PMPCB: variants seen among roughly 807,000 people sequenced by gnomAD.
PMPCB encodes the protein mitochondrial-processing peptidase subunit beta.
A neutral mutation model predicts 61.5 loss-of-function variants in PMPCB; 46 were observed. The observed-to-expected ratio is 0.75, with a 90% confidence interval of 0.59 to 0.96. PMPCB has a LOEUF of 0.96. Among genes scored for constraint, PMPCB ranks in the 40% least tolerant of loss-of-function variants. PMPCB has a pLI of 0.00. For synonymous variants in PMPCB, 191 were observed against 201.6 expected, an observed-to-expected ratio of 0.95 and a Z score of 0.44; for missense variants, 590 against 602.4, an observed-to-expected ratio of 0.98 and a Z score of 0.22.
chr7:103,333,200 A>G (rs1819042028), downstream of PMPCB, among the ~76,000 whole-genome samples: 1 of 152,152 alleles, frequency 6.6e-6, no homozygotes, highest in South Asian at 2.1e-4. Context: ...CCAGTTTGGG[A>G]TACTGTCTTA....
intron 7 of PMPCB, among the ~76,000 whole-genome samples, chr7:103,308,682 G>A (rs778308139): frequency 1.3e-4 from 20 of 150,576 alleles, no homozygotes; most frequent in Admixed American, 4.0e-4. Context: ...TTCTACCAGT[G>A]AAATGATGCA....
chr7:103,310,197 G>A, intron 8 of PMPCB, 118 bp from the exon 9 acceptor site: 1 of 732,898 alleles, frequency 1.4e-6, no homozygotes, highest in Non-Finnish European at 2.3e-6. Flanking sequence ...CTGAGATGTT[G>A]AATAAAACTA....
chr7:103,331,953 CTAAT>C (rs1367100082), downstream of PMPCB, among the ~76,000 whole-genome samples: 1 of 151,748 alleles, frequency 6.6e-6, no homozygotes, highest in Non-Finnish European at 1.5e-5. Flanking sequence ...AGTGGCTATG[CTAAT>C]TTAGATTCCT....
downstream of PMPCB, among the ~76,000 whole-genome samples, chr7:103,334,504 A>T (rs1016074561): frequency 2.6e-5 from 4 of 151,750 alleles, no homozygotes; most frequent in Non-Finnish European, 5.9e-5. Flanking sequence ...TGAACCCTGG[A>T]GATGGAGGTT....
chr7:103,332,198 G>C (rs1276605411), downstream of PMPCB, among the ~76,000 whole-genome samples: 1 of 151,960 alleles, frequency 6.6e-6, no homozygotes, highest in African/African-American at 2.4e-5. Context: ...GTAGAGACGG[G>C]GTTTCACCGT....
the PMPCB span, chr7:103,344,473 G>A: frequency 4.7e-6 from 7 of 1,494,332 alleles, no homozygotes; most frequent in African/African-American, 1.4e-5. Flanking sequence ...AGGGTCAAGG[G>A]TAGAGAGAGC....
downstream of PMPCB, among the ~76,000 whole-genome samples, chr7:103,333,951 A>T (rs73175843): frequency 0.071 from 9,894 of 139,428 alleles, 384 homozygotes; most frequent in South Asian, 0.14. Context: ...TGTTGTGAAC[A>T]TTTTTTTTTT....
chr7:103,313,941 C>T lies in PMPCB; in HGVS notation c.*1670C>T. On this transcript the variant is annotated 3_prime_UTR_variant, in exon 13 of 13. Coordinates refer to ENST00000249269, the MANE Select transcript of PMPCB (RefSeq NM_004279.3). ...AACACAGACTAATACTACCAGTAGC[C>T]TGACTACTACTAGAAACTGCGGCCT... The T allele has an allele frequency of 3.0e-6, 3 of 985,326 alleles. No homozygotes were observed. Among genetic ancestry groups the T allele is most frequent in the South Asian group, 9.4e-5 (2 of 21,290 alleles). 61.0% of individuals were successfully genotyped at this position (985,326 alleles called of 1,614,324 possible).
chr7:103,333,753 T>C (rs150250523), downstream of PMPCB, among the ~76,000 whole-genome samples: 147 of 152,368 alleles, frequency 9.6e-4, no homozygotes, highest in African/African-American at 3.1e-3. Context: ...ACTTACAGTA[T>C]GCCTATGTCT....
At chr7:103,319,928 G>C (rs1044183373) in intron 12 of PMPCB, 12 of 1,431,600 alleles carry the variant, frequency 8.4e-6, no homozygotes, top group Admixed American at 1.7e-5. Flanking sequence ...CCAGCTACTC[G>C]GGAGGCTGAG....
the PMPCB span, chr7:103,335,560 CAG>C: frequency 6.7e-6 from 1 of 148,718 alleles, no homozygotes; most frequent in East Asian, 2.0e-4. Context: ...TTTAATGAGA[CAG>C]AGTCTCACTC....
chr7:103,304,342 T>G lies in PMPCB; in HGVS notation c.657-69T>G, dbSNP rs983128944. On this transcript the variant is annotated intron_variant, in intron 5 of 12. Coordinates refer to ENST00000249269, the MANE Select transcript of PMPCB (RefSeq NM_004279.3). The stretch of plus-strand genomic sequence containing the variant: ...GATACAGTTATGGTCCAATTTGATT[T>G]CAGGTATATTATGTGAAGATCTGTT... 3.3e-5 allele frequency: 29 copies of G among 882,874 alleles called. No homozygotes were observed. The Admixed American group carries it at 5.6e-4, about 17-fold the overall frequency. 54.7% of individuals were successfully genotyped at this position (882,874 alleles called of 1,614,324 possible).
At chr7:103,328,169 G>T (rs917518141) in intron 12 of PMPCB, among the ~76,000 whole-genome samples, 1 of 151,626 alleles carries the variant, frequency 6.6e-6, no homozygotes, top group African/African-American at 2.4e-5. Flanking sequence ...TGATCCACCC[G>T]CCTCGGCCTC....
At chr7:103,319,977 CA>C in intron 12 of PMPCB, 2 of 846,888 alleles carry the variant, frequency 2.4e-6, no homozygotes, top group Non-Finnish European at 3.8e-6. Flanking sequence ...GAAATTGCAG[CA>C]AACTGAGATC....
chr7:103,304,093 TA>T (rs2115655080), intron 5 of PMPCB, 53 bp downstream of exon 5: 1 of 1,321,666 alleles, frequency 7.6e-7, no homozygotes, highest in East Asian at 2.3e-5. Context: ...ATGTTGAAAA[TA>T]AACATTTACA....
chr7:103,304,911 A>G (rs1209842164), intron 6 of PMPCB, among the ~76,000 whole-genome samples: 1 of 151,932 alleles, frequency 6.6e-6, no homozygotes, highest in African/African-American at 2.4e-5. Flanking sequence ...GTGAGCCAAG[A>G]TTGCACCACT....
intron 5 of PMPCB, 56 bp from the exon 6 acceptor site, chr7:103,304,355 G>A: frequency 1.0e-6 from 1 of 983,548 alleles, no homozygotes; most frequent in East Asian, 2.4e-5. Flanking sequence ...GGTATATTAT[G>A]TGAAGATCTG....
downstream of PMPCB, chr7:103,316,118 ATAG>A (rs768003668): frequency 5.8e-5 from 79 of 1,373,192 alleles, no homozygotes; most frequent in South Asian, 8.6e-4. Context: ...AATAATATGA[ATAG>A]TAGTAAGGAA....
At position 103,314,323 on chromosome 7, in the gene PMPCB, A is replaced by T. The variant is rs1817924824; in HGVS notation, c.*2052A>T. 1 of 985,314 alleles carries T rather than the reference A, an allele frequency of 1.0e-6. No individual in the cohort carries two copies. Among genetic ancestry groups the T allele is most frequent in the Admixed American group, 6.1e-5 (1 of 16,270 alleles). 61.0% of individuals were successfully genotyped at this position (985,314 alleles called of 1,614,324 possible). On this transcript the variant is annotated 3_prime_UTR_variant, in exon 13 of 13. Coordinates refer to ENST00000249269, the MANE Select transcript of PMPCB (RefSeq NM_004279.3). Reference sequence around the variant, plus strand: ...TGCAAAACTCCTATGAGAAATCACTATTCAAAAAATGGTGCCAGCTTGCTG... The same window carrying T: ...TGCAAAACTCCTATGAGAAATCACTTTTCAAAAAATGGTGCCAGCTTGCTG...
Sources: allele counts gnomAD v4.1 joint callset (sites outside exome capture counted in the v4.1 genomes callset), GRCh38; gene constraint gnomAD v4.1.1; transcripts MANE v1.5; gene names NCBI Gene and HGNC (gene_info 2026-07-23, HGNC 2026-07-21).